Variants in TASOR2 observed in about 807,000 individuals in gnomAD.
TASOR2 encodes protein TASOR 2.
Under a neutral mutation model 199.5 loss-of-function variants are expected in TASOR2, and 84 were observed. That is an observed-to-expected ratio of 0.42 (90% CI 0.35 to 0.50). The LOEUF (loss-of-function observed/expected upper bound fraction) is 0.50. Among genes scored for constraint, TASOR2 ranks in the 20% least tolerant of loss-of-function variants. The probability of loss-of-function intolerance (pLI) is 0.02; values close to 1 mark genes in which losing one functional copy is unlikely to be tolerated. For missense variants in TASOR2, 2,796 were observed against 2,835.9 expected (o/e 0.99, Z 0.32); for synonymous variants, 1,103 against 1,046.6 (o/e 1.05, Z -1.04).
intron 6 of TASOR2, among the ~76,000 whole-genome samples, chr10:5,723,177 G>A (rs539874926): frequency 1.6e-4 from 22 of 137,592 alleles, no homozygotes; most frequent in Middle Eastern, 9.9e-3. Context: ...TCAGCCTCCC[G>A]AGTAGCTGGG....
intron 1 of TASOR2, among the ~76,000 whole-genome samples, chr10:5,704,729 A>G (rs1433554493): frequency 6.6e-6 from 1 of 152,152 alleles, no homozygotes; most frequent in South Asian, 2.1e-4. Context: ...TGTAGTGTAT[A>G]CATTTGAAAT....
At chr10:5,743,905 C>CAT (rs60931455) in intron 14 of TASOR2, 151,533 of 152,304 alleles carry the variant, frequency 0.99, 75,388 homozygotes, top group East Asian at 1. Flanking sequence ...GAAAGGCACA[C>CAT]GTGTGCTATC....
rs1836293987 is a variant in TASOR2, at chr10:5,690,430, G to T, written c.-288+5255G>T. 6.6e-6 allele frequency among the ~76,000 whole-genome samples: 1 copy of T among 152,158 alleles called. No homozygotes were observed. The highest frequency in any genetic ancestry group is 2.1e-4 in the South Asian group (1 of 4,830). On this transcript the variant is annotated intron_variant, in intron 1 of 20. Transcript: ENST00000328090. This position sits in a 1 kb window ranked among gnomAD's most constrained non-coding sequence, Gnocchi z 4.8. ...ACACCTGCTCCCTCATTAGGAGAAG[G>T]AATATTCAAGATCCCAATGCCTGAG... is the stretch of plus-strand genomic sequence containing the variant.
exon 15 of TASOR2, chr10:5,746,958 C>T (rs371182367): frequency 6.8e-6 from 11 of 1,614,158 alleles, no homozygotes; most frequent in Non-Finnish European, 9.3e-6. Flanking sequence ...AAGTGAGATG[C>T]ACTCAGGATT....
exon 15 of TASOR2, chr10:5,747,035 A>C (rs770835320): frequency 4.9e-5 from 79 of 1,614,154 alleles, no homozygotes; most frequent in Non-Finnish European, 6.5e-5. Flanking sequence ...ACACAGGTTG[A>C]AGTGGACTCA....
Position 5,724,474 on chromosome 10 carries a change from TCAAA to T in TASOR2, c.295_298del (p.Asn99AspfsTer6), listed in dbSNP as rs1833770980. ...CTTCAATTTGTATGAGGTAGAACTG[TCAAA>T]CAGACAAGGGGAAAATATAGATAAA... On this transcript the variant is annotated frameshift_variant, in exon 8 of 21. Transcript: ENST00000328090. LOFTEE classifies it high-confidence loss of function. The T allele has an allele frequency of 6.5e-7, 1 of 1,538,054 alleles. No homozygotes were observed. Among genetic ancestry groups the T allele is most frequent in the Non-Finnish European group, 8.7e-7 (1 of 1,147,416 alleles).
intron 1 of TASOR2, among the ~76,000 whole-genome samples, chr10:5,697,841 C>T (rs1837342855): frequency 6.6e-6 from 1 of 152,180 alleles, no homozygotes; most frequent in South Asian, 2.1e-4. Flanking sequence ...GTATGTACAG[C>T]ATCCATACAG....
intron 1 of TASOR2, chr10:5,709,536 T>G: frequency 2.4e-6 from 3 of 1,230,798 alleles, no homozygotes; most frequent in African/African-American, 3.1e-5. Context: ...TTAGCATTTA[T>G]GACATTAACA....
At chr10:5,758,212 G>C (rs1203936347) in intron 17 of TASOR2, among the ~76,000 whole-genome samples, 2 of 152,112 alleles carry the variant, frequency 1.3e-5, no homozygotes, top group Admixed American at 1.3e-4. Context: ...TAGATCAAAA[G>C]CAGCATGTAC....
Position 5,730,720 on chromosome 10 carries a change from A to G in TASOR2, c.721A>G (p.Ser241Gly). The change falls in exon 11 of 21, where the codon AGT (serine) becomes GGT (glycine). Residue 241 changes from serine to glycine, a missense_variant. Physicochemically the swap from Ser to Gly is moderately conservative, Grantham distance 56. This residue lies in a region of TASOR2 where 847 missense variants were observed against 887.4 expected (regional missense o/e 0.95). Transcript: ENST00000328090. The surrounding 1 kb of genome is among the most constrained non-coding windows in gnomAD (Gnocchi z 4.1). ...CCCTACATTCTTGGGGAAACTGCCCAGTGGTTTTGACTTGATTCCTCCAGC... is the reference window on the plus strand; with the variant it reads ...CCCTACATTCTTGGGGAAACTGCCCGGTGGTTTTGACTTGATTCCTCCAGC... 6.2e-6 allele frequency: 10 copies of G among 1,614,212 alleles called. No individual in the cohort carries two copies. The highest frequency in any genetic ancestry group is 1.1e-5 in the South Asian group (1 of 91,080).
intron 12 of TASOR2, among the ~76,000 whole-genome samples, chr10:5,736,473 T>C (rs1285732725): frequency 6.6e-6 from 1 of 151,814 alleles, no homozygotes; most frequent in Admixed American, 6.6e-5. Context: ...AGGCTGGTCT[T>C]GAACTCCTGA....
chr10:5,711,998 T>TA (rs899049872), intron 1 of TASOR2, among the ~76,000 whole-genome samples: 42 of 147,998 alleles, frequency 2.8e-4, no homozygotes, highest in African/African-American at 5.9e-4. Flanking sequence ...CGTATATATT[T>TA]AAAAAAAAAA....
At chr10:5,723,805 T>C (rs916536451) in intron 7 of TASOR2, 28 bp downstream of exon 8, 1 of 1,474,518 alleles carries the variant, frequency 6.8e-7, no homozygotes. Flanking sequence ...AACACGCTAC[T>C]TGTCCTGGGC....
rs1837529352 is a variant in TASOR2 at position 5,748,432 on chromosome 10, G to A, written c.5011G>A (p.Val1671Ile). 1.6e-5 allele frequency: 26 copies of A among 1,614,208 alleles called. No homozygotes were observed. Among genetic ancestry groups the A allele is most frequent in the Non-Finnish European group, 2.1e-5 (25 of 1,180,048 alleles). ...AGACAATGCTACATTAACCCATTAT[G>A]TAAGACCAATAAATGCAGAGCCAGT... Residue 1671 changes from valine (V) to isoleucine (I), a missense_variant, in exon 15 of 21, where the codon GTA (valine) becomes ATA (isoleucine). Physicochemically the swap from Val to Ile is conservative, Grantham distance 29. Transcript: ENST00000328090. The surrounding 1 kb of genome is among the most constrained non-coding windows in gnomAD (Gnocchi z 5.1).
chr10:5,759,294 A>G (rs1839430636), intron 18 of TASOR2, among the ~76,000 whole-genome samples: 1 of 152,232 alleles, frequency 6.6e-6, no homozygotes, highest in Non-Finnish European at 1.5e-5. Context: ...AACTTGTACC[A>G]TTAATGCTTT....
At chr10:5,749,987 T>G in exon 15 of TASOR2, 1 of 1,611,008 alleles carries the variant, frequency 6.2e-7, no homozygotes, top group Non-Finnish European at 8.5e-7. Context: ...CTGTTCTACC[T>G]TGTCGAAACA....
exon 15 of TASOR2, chr10:5,746,587 T>C: frequency 6.2e-7 from 1 of 1,614,102 alleles, no homozygotes. Context: ...TACTCTCACC[T>C]TTGAAAAAAA....
In TASOR2 at chr10:5,751,067, A is replaced by AGTGCTCTT. The variant is rs1837969423; in HGVS notation, c.6606+1043_6606+1050dup. On this transcript the variant is annotated intron_variant, in intron 15 of 20. Transcript: ENST00000328090. The surrounding 1 kb of genome is among the most constrained non-coding windows in gnomAD (Gnocchi z 5.3). The stretch of plus-strand genomic sequence containing the variant: ...AGATGAGAATACTCAGATATCATGT[A>AGTGCTCTT]GTGCTCTTGTCAGTGCATTCATTGT... Among the ~76,000 whole-genome samples, 1 of 152,258 alleles carries AGTGCTCTT rather than the reference A, an allele frequency of 6.6e-6. No homozygotes were observed. The highest frequency in any genetic ancestry group is 2.1e-4 in the South Asian group (1 of 4,834).
At chr10:5,709,695 A>G (rs982614996) in intron 1 of TASOR2, 354 of 1,225,492 alleles carry the variant, frequency 2.9e-4, no homozygotes, top group Non-Finnish European at 3.3e-4. Context: ...ATAAGTCATA[A>G]CTAATGAATC....
Sources: gnomAD v4.1 joint callset for allele counts (sites outside exome capture counted in the v4.1 genomes callset) on GRCh38, gnomAD v4.1.1 for gene constraint, gnomAD v4.1.1 regional missense constraint, Gnocchi (gnomAD v3.1) non-coding constraint, MANE v1.5 for transcripts, NCBI Gene and HGNC (gene_info 2026-07-23, HGNC 2026-07-21) for gene names.